ATP13A3: variants seen among roughly 807,000 people sequenced by gnomAD.
ATP13A3 encodes the protein ATPase 13A3.
Under a neutral mutation model 158.1 loss-of-function variants are expected in ATP13A3, and 59 were observed. The ratio of observed to expected loss-of-function variants is 0.37; its 90% CI spans 0.30 to 0.46. The LOEUF (loss-of-function observed/expected upper bound fraction) is 0.46. ATP13A3 is among the 20% of genes least tolerant of loss of function. The pLI, the probability that ATP13A3 is intolerant of heterozygous loss-of-function variation, is 1.00. For missense variants in ATP13A3, 1,166 were observed against 1,525.2 expected (o/e 0.76, Z 3.92); for synonymous variants, 491 against 504.3 (o/e 0.97, Z 0.35).
At chr3:194,428,040 G>A (rs1273993489) in intron 28 of ATP13A3, among the ~76,000 whole-genome samples, 2 of 151,966 alleles carry the variant, frequency 1.3e-5, no homozygotes, top group African/African-American at 4.8e-5. Context: ...GGCCAACATG[G>A]TGAAACCCCG....
At chr3:194,459,416 C>G in intron 6 of ATP13A3, 55 bp downstream of exon 6, 3 of 1,225,242 alleles carry the variant, frequency 2.4e-6, no homozygotes, top group South Asian at 1.2e-5. Context: ...TCTTTTCTAT[C>G]TAGAACGTTT....
At chr3:194,430,006 T>G in intron 26 of ATP13A3, 66 bp downstream of exon 26, 1 of 1,361,012 alleles carries the variant, frequency 7.3e-7, no homozygotes, top group Non-Finnish European at 1.0e-6. Context: ...CTTTTTATGA[T>G]AATTTTCTCT....
chr3:194,442,566 AGGGGTG>A (rs1475903745), intron 15 of ATP13A3, among the ~76,000 whole-genome samples: 1 of 152,198 alleles, frequency 6.6e-6, no homozygotes. Flanking sequence ...ATGCGAGAGT[AGGGGTG>A]GGAGCAGACT....
chr3:194,412,613 T>C, intron 32 of ATP13A3: 1 of 307,120 alleles, frequency 3.3e-6, no homozygotes, highest in East Asian at 7.3e-5. Context: ...TCATTGAATA[T>C]CTAGTACTAA....
rs1404307082 is a variant in ATP13A3 at position 194,486,922 on chromosome 3, C to T, written c.-445G>A. The T allele has an allele frequency of 1.3e-5, 2 of 152,156 alleles. No homozygotes were observed. Among genetic ancestry groups the T allele is most frequent in the South Asian group, 2.1e-4 (1 of 4,836 alleles). The allele number at this position is 152,156 out of a possible 1,614,324, so 9.4% of individuals were successfully genotyped here. A position where few individuals can be genotyped will look rare whatever the true frequency, so the allele number is the denominator to read the frequency against. ...CCGCCGCCAGCGACGTAGAGAACCC[C>T]CCTCCCCTCCGCGGCGGCGCCCGAT... is the stretch of plus-strand genomic sequence containing the variant. On this transcript the variant is annotated 5_prime_UTR_variant, in exon 1 of 34. Transcript: ENST00000645319.
intron 30 of ATP13A3, among the ~76,000 whole-genome samples, chr3:194,421,043 G>T (rs1349209724): frequency 8.0e-6 from 1 of 124,592 alleles, no homozygotes; most frequent in African/African-American, 3.3e-5. Flanking sequence ...CAAAACTACA[G>T]GTAAATATTT....
At position 194,494,147 on chromosome 3, in the gene ATP13A3, A is replaced by G; in HGVS notation, n.649T>C. 1 of 398,594 alleles carries G rather than the reference A, an allele frequency of 2.5e-6. No individual in the cohort carries two copies. The highest frequency in any genetic ancestry group is 4.4e-6 in the Non-Finnish European group (1 of 226,066). 24.7% of individuals were successfully genotyped at this position (398,594 alleles called of 1,614,324 possible). ...GAAGCCAGAGTGATTCACCAGAATG[A>G]GTTCATCTCGCATCAAAACTCTGGA... On this transcript the variant is annotated non_coding_transcript_exon_variant, in exon 2 of 33. Transcript: ENST00000687055. The surrounding 1 kb of genome is among the most constrained non-coding windows in gnomAD (Gnocchi z 4.2).
chr3:194,444,853 A>C, intron 14 of ATP13A3, 67 bp from the exon 15 acceptor site: 1 of 1,267,970 alleles, frequency 7.9e-7, no homozygotes, highest in Non-Finnish European at 1.1e-6. Flanking sequence ...CCAAAAATAA[A>C]AATAAAAAGC....
At chr3:194,474,840 GTGCTCACTGCACACTCA>G (rs1418575737) in intron 2 of ATP13A3, among the ~76,000 whole-genome samples, 3 of 152,152 alleles carry the variant, frequency 2.0e-5, no homozygotes, top group Admixed American at 6.5e-5. Flanking sequence ...CTGTGATGCG[GTGCTCACTGCACACTCA>G]TGCTTCACAC....
chr3:194,433,625 G>T, intron 21 of ATP13A3, 147 bp downstream of exon 21: 3 of 974,748 alleles, frequency 3.1e-6, no homozygotes, highest in Non-Finnish European at 4.4e-6. Flanking sequence ...TCTTGCGCTT[G>T]GGAAAATATT....
At chr3:194,458,147 T>TA (rs1027419283) in intron 6 of ATP13A3, among the ~76,000 whole-genome samples, 2 of 152,158 alleles carry the variant, frequency 1.3e-5, no homozygotes, top group Non-Finnish European at 2.9e-5. Flanking sequence ...AAGTCTTACA[T>TA]ATACTTAATT....
At position 194,413,751 on chromosome 3, in the gene ATP13A3, G is replaced by C. The variant is rs761088729; in HGVS notation, c.3483+8C>G. 2 of 1,607,882 alleles carry C rather than the reference G, an allele frequency of 1.2e-6. No individual in the cohort carries two copies. Among genetic ancestry groups the C allele is most frequent in the East Asian group, 2.2e-5 (1 of 44,842 alleles). On this transcript the variant is annotated splice_region_variant and intron_variant, in intron 32 of 33. Coordinates refer to ENST00000645319, the MANE Select transcript of ATP13A3 (RefSeq NM_001367549.1). The stretch of plus-strand genomic sequence containing the variant: ...ACATGGTAGCCATTTGACTATGGAA[G>C]TGCTTACCTCCACTGTGATAGACAC...
chr3:194,454,587 G>A (rs1159756719), intron 8 of ATP13A3, among the ~76,000 whole-genome samples, 195 bp from the exon 9 acceptor site: 1 of 151,830 alleles, frequency 6.6e-6, no homozygotes, highest in African/African-American at 2.4e-5. Context: ...CCAGCACTTT[G>A]GGAGGCCAAG....
chr3:194,406,177 A>G (rs1577016430), intron 33 of ATP13A3, 61 bp from the exon 34 acceptor site: 1 of 1,559,300 alleles, frequency 6.4e-7, no homozygotes, highest in East Asian at 2.3e-5. Flanking sequence ...TTGTCGTTTT[A>G]AACAGGTTTG....
At chr3:194,456,049 C>A in intron 7 of ATP13A3, 87 bp from the exon 8 acceptor site, 1 of 730,358 alleles carries the variant, frequency 1.4e-6, no homozygotes, top group Admixed American at 3.1e-5. Context: ...AGGCTTAAAC[C>A]ACAGACTGTT....
In ATP13A3 at chr3:194,403,981, A is replaced by G. The variant is rs552469274; in HGVS notation, c.*1938T>C. 8 of 377,684 alleles carry G rather than the reference A, an allele frequency of 2.1e-5. No individual in the cohort carries two copies. The East Asian group carries it at 5.4e-4, about 25-fold the overall frequency. 23.4% of individuals were successfully genotyped at this position (377,684 alleles called of 1,614,324 possible). A position where few individuals can be genotyped will look rare whatever the true frequency, so the allele number is the denominator to read the frequency against. On this transcript the variant is annotated 3_prime_UTR_variant, in exon 34 of 34. Transcript: ENST00000645319. ...TCTTAAAGATGTTAAATACAATCGG[A>G]TAATTGAATTTTTAAGCTGCTACTT...
intron 1 of ATP13A3, 87 bp from the exon 2 acceptor site, chr3:194,485,922 C>T (rs1418314357): frequency 6.6e-6 from 1 of 152,200 alleles, no homozygotes; most frequent in Non-Finnish European, 1.5e-5. Flanking sequence ...AATCCCAACC[C>T]GATTCCCTCC....
chr3:194,466,227 T>C (rs757794248), intron 2 of ATP13A3, among the ~76,000 whole-genome samples: 3 of 151,938 alleles, frequency 2.0e-5, no homozygotes, highest in Non-Finnish European at 2.9e-5. Context: ...GTAACCGCTA[T>C]AGGGAAATAA....
chr3:194,433,396 A>T (rs1470511054), intron 21 of ATP13A3, among the ~76,000 whole-genome samples: 1 of 151,982 alleles, frequency 6.6e-6, no homozygotes, highest in Non-Finnish European at 1.5e-5. Context: ...GGCACCCGCC[A>T]CCGCTCCCGG....
Sources: gnomAD v4.1 joint callset for allele counts (sites outside exome capture counted in the v4.1 genomes callset) on GRCh38, gnomAD v4.1.1 for gene constraint, Gnocchi (gnomAD v3.1) non-coding constraint, MANE v1.5 for transcripts, NCBI Gene and HGNC (gene_info 2026-07-23, HGNC 2026-07-21) for gene names.